HSDL2: variants seen among roughly 807,000 people sequenced by gnomAD.
HSDL2 encodes hydroxysteroid dehydrogenase like 2.
HSDL2 carries 27 observed loss-of-function variants against 46.3 expected under a neutral mutation model. The ratio of observed to expected loss-of-function variants is 0.58; its 90% confidence interval spans 0.43 to 0.80. The LOEUF is 0.80. Among genes scored for constraint, HSDL2 ranks in the 30% least tolerant of loss-of-function variants. The probability of loss-of-function intolerance (pLI) is 0.00; values close to 1 mark genes in which losing one functional copy is unlikely to be tolerated. For synonymous variants in HSDL2, 153 were observed against 163.6 expected (o/e 0.94, Z 0.50); for missense variants, 451 against 502.7 (o/e 0.90, Z 0.98).
At chr9:112,450,991 A>G (rs1307416169) in intron 8 of HSDL2, among the ~76,000 whole-genome samples, 2 of 151,886 alleles carry the variant, frequency 1.3e-5, no homozygotes, top group African/African-American at 4.8e-5. Context: ...GTTTGAGTCT[A>G]GGAGTTCGAG....
At chr9:112,407,146 G>A (rs753675861) in intron 3 of HSDL2, among the ~76,000 whole-genome samples, 4 of 152,150 alleles carry the variant, frequency 2.6e-5, no homozygotes, top group African/African-American at 9.7e-5. Context: ...ACCCCTAGCC[G>A]GCAGCCTTTC....
rs546047650 is a variant in HSDL2, at chr9:112,470,631, GTTATA to G, written c.*93_*97del. On this transcript the variant is annotated 3_prime_UTR_variant, in exon 11 of 11. Transcript: ENST00000398805. ...AAATCTAATGTTTGTTTTCTTTCCT[GTTATA>G]TTATAAGGATATGCACGTTTGTTCT... 2.1e-4 allele frequency: 154 copies of G among 719,726 alleles called. 1 individual carries two copies. Among genetic ancestry groups the G allele is most frequent in the Admixed American group, 7.7e-4 (27 of 35,006 alleles). 44.6% of individuals were successfully genotyped at this position (719,726 alleles called of 1,614,324 possible).
intron 1 of HSDL2, among the ~76,000 whole-genome samples, chr9:112,403,039 T>C (rs1831644416): frequency 6.6e-6 from 1 of 152,142 alleles, no homozygotes; most frequent in South Asian, 2.1e-4. Flanking sequence ...TCAGAATATT[T>C]CAGATCAACC....
chr9:112,440,459 T>G (rs1252485714), intron 7 of HSDL2, among the ~76,000 whole-genome samples: 1 of 152,064 alleles, frequency 6.6e-6, no homozygotes, highest in Non-Finnish European at 1.5e-5. Context: ...AACATCTCAC[T>G]GTACTACAGT....
rs1180535872 is a variant in HSDL2, at chr9:112,454,147, C to G, written c.1000C>G (p.Leu334Val). The change falls in exon 9 of 11, where the codon CTG becomes GTG. Residue 334 changes from leucine to valine, a missense_variant. Leu to Val is a conservative substitution (Grantham distance 32, BLOSUM62 1). Transcript: ENST00000398805. ...TGTTAAAGCCACTCAAGCAATCTAT[C>G]TGTTTGAACTCTCCGGTAAGGACTG... is the stretch of plus-strand genomic sequence containing the variant. Reference protein sequence around the residue: ...DVVKATQAIYLFELSGEDGGT... With the variant: ...DVVKATQAIYVFELSGEDGGT... 1.9e-6 allele frequency: 3 copies of G among 1,613,086 alleles called. No individual in the cohort carries two copies. Among genetic ancestry groups the G allele is most frequent in the African/African-American group, 1.3e-5 (1 of 74,884 alleles).
At chr9:112,451,211 TA>T (rs1832879026) in intron 8 of HSDL2, among the ~76,000 whole-genome samples, 1 of 152,048 alleles carries the variant, frequency 6.6e-6, no homozygotes, top group Admixed American at 6.6e-5. Context: ...AATAGATAAA[TA>T]TTGGAATTCA....
At chr9:112,451,449 A>G (rs1274057201) in intron 8 of HSDL2, among the ~76,000 whole-genome samples, 1 of 152,178 alleles carries the variant, frequency 6.6e-6, no homozygotes. Flanking sequence ...TATGTTTTCA[A>G]ATTGTAGAAT....
intron 6 of HSDL2, among the ~76,000 whole-genome samples, chr9:112,423,844 G>A (rs1314190662): frequency 6.6e-6 from 1 of 151,724 alleles, no homozygotes; most frequent in Non-Finnish European, 1.5e-5. Context: ...CTCCCGAATG[G>A]CTGGGATTAC....
intron 10 of HSDL2, among the ~76,000 whole-genome samples, chr9:112,465,722 T>A (rs928002298): frequency 6.6e-6 from 1 of 152,240 alleles, no homozygotes; most frequent in Non-Finnish European, 1.5e-5. Context: ...AGCTGTAGCA[T>A]GTATCAGCAC....
chr9:112,446,416 G>A (rs188706724), intron 8 of HSDL2, among the ~76,000 whole-genome samples: 1 of 152,288 alleles, frequency 6.6e-6, no homozygotes, highest in East Asian at 1.9e-4. Context: ...CCGAGGCCAG[G>A]AGTTCGAGAT....
chr9:112,396,765 T>C (rs62569974), intron 1 of HSDL2, among the ~76,000 whole-genome samples: 21,392 of 152,084 alleles, frequency 0.14, 1,864 homozygotes, highest in East Asian at 0.21. Context: ...TTTAGAGGAA[T>C]GGTACTACAG....
At chr9:112,440,502 T>G (rs533809836) in intron 7 of HSDL2, among the ~76,000 whole-genome samples, 1 of 152,300 alleles carries the variant, frequency 6.6e-6, no homozygotes, top group Admixed American at 6.5e-5. Context: ...AATCTTCTAG[T>G]GTGCACATGT....
intron 6 of HSDL2, among the ~76,000 whole-genome samples, chr9:112,428,086 G>A (rs370289286): frequency 3.9e-5 from 6 of 152,286 alleles, no homozygotes; most frequent in African/African-American, 1.2e-4. Flanking sequence ...GGAGTTCCCC[G>A]GCTCCAAGCA....
chr9:112,396,977 G>C (rs118106410), intron 1 of HSDL2, among the ~76,000 whole-genome samples: 1 of 152,148 alleles, frequency 6.6e-6, no homozygotes, highest in Admixed American at 6.5e-5. Context: ...CCCCGCTTCC[G>C]ATTTCCCTGG....
intron 5 of HSDL2, among the ~76,000 whole-genome samples, chr9:112,418,657 C>T (rs554672239): frequency 5.0e-4 from 75 of 150,138 alleles, no homozygotes; most frequent in African/African-American, 6.1e-4. Context: ...TATATGTGTG[C>T]GTGGGTGTGT....
intron 6 of HSDL2, among the ~76,000 whole-genome samples, chr9:112,426,997 C>G (rs1353980301): frequency 6.6e-6 from 1 of 152,158 alleles, no homozygotes; most frequent in East Asian, 1.9e-4. Flanking sequence ...CTCCATCTCC[C>G]TTTAACTCCA....
intron 6 of HSDL2, among the ~76,000 whole-genome samples, chr9:112,425,134 G>A (rs536175507): frequency 1.3e-5 from 2 of 152,178 alleles, no homozygotes; most frequent in South Asian, 4.1e-4. Context: ...TAATATATAT[G>A]CAGTTTCTTC....
chr9:112,454,893 G>T (rs192503417), intron 9 of HSDL2, among the ~76,000 whole-genome samples: 1 of 151,126 alleles, frequency 6.6e-6, no homozygotes, highest in Non-Finnish European at 1.5e-5. Flanking sequence ...TTTAGTAGAG[G>T]TGGGGTTTTG....
intron 3 of HSDL2, among the ~76,000 whole-genome samples, chr9:112,406,584 C>A (rs2132624969): frequency 6.6e-6 from 1 of 152,192 alleles, no homozygotes; most frequent in Admixed American, 6.5e-5. Flanking sequence ...GATTCTCCTG[C>A]CTCAGCCTCC....
Sources: allele counts gnomAD v4.1 joint callset (sites outside exome capture counted in the v4.1 genomes callset), GRCh38; gene constraint gnomAD v4.1.1; transcripts MANE v1.5; gene names NCBI Gene and HGNC (gene_info 2026-07-23, HGNC 2026-07-21).